Variants in HDAC11 observed in about 807,000 individuals in gnomAD.
The protein encoded by HDAC11 is histone deacetylase 11.
In HDAC11, 23 loss-of-function variants were observed where a neutral mutation model predicts 41.1. The observed-to-expected ratio is 0.56, with a 90% CI of 0.40 to 0.79. The LOEUF (loss-of-function observed/expected upper bound fraction) is 0.79, where lower values mean the gene tolerates loss of function less well. Ranked by LOEUF, HDAC11 falls within the 30% of genes least tolerant of loss-of-function variation. The pLI is 0.00. For missense variants in HDAC11, 402 were observed against 477.3 expected, an observed-to-expected ratio of 0.84 and a Z score of 1.47; for synonymous variants, 187 against 186.6, an observed-to-expected ratio of 1.00 and a Z score of -0.02.
intron 3 of HDAC11, among the ~76,000 whole-genome samples, chr3:13,494,601 C>T (rs1702009517): frequency 1.3e-5 from 2 of 152,206 alleles, no homozygotes; most frequent in Admixed American, 1.3e-4. Flanking sequence ...TCCATGTTAC[C>T]GCCAGAGGGC....
At chr3:13,491,393 T>A (rs1315481871) in intron 3 of HDAC11, among the ~76,000 whole-genome samples, 1 of 152,128 alleles carries the variant, frequency 6.6e-6, no homozygotes, top group Non-Finnish European at 1.5e-5. Context: ...GTTCCTAGTT[T>A]GTTGAGTGAT....
intron 3 of HDAC11, among the ~76,000 whole-genome samples, chr3:13,489,547 C>G (rs1278986211): frequency 6.6e-6 from 1 of 152,178 alleles, no homozygotes; most frequent in African/African-American, 2.4e-5. Flanking sequence ...TTTCTAGACT[C>G]TCAATTCTAT....
At chr3:13,504,293 C>T (rs1256632400) in intron 9 of HDAC11, 21 bp downstream of exon 9, 1 of 1,611,010 alleles carries the variant, frequency 6.2e-7, no homozygotes, top group African/African-American at 1.3e-5. Flanking sequence ...ACCCTTGGGG[C>T]CACGGGAGGG....
rs140856303 is a variant in HDAC11 at position 13,502,778 on chromosome 3, G to A, written c.553-106G>A. The A allele has an allele frequency of 9.6e-4, 764 of 793,340 alleles. No individual in the cohort carries two copies. In the African/African-American group the frequency reaches 0.01, roughly 11 times the overall value. The allele number at this position is 793,340 out of a possible 1,614,324, so 49.1% of individuals were successfully genotyped here. ...GACCTGCTGCCCCCGAGAGCAGGCC[G>A]TGCTGCCCTGGCAAATGGGGAGTTT... On this transcript the variant is annotated intron_variant, in intron 7 of 9. Coordinates refer to ENST00000295757, the MANE Select transcript of HDAC11 (RefSeq NM_024827.4). The surrounding 1 kb of genome is among the most constrained non-coding windows in gnomAD (Gnocchi z 4.1).
At chr3:13,481,951 G>C (rs1701340129) in intron 2 of HDAC11, among the ~76,000 whole-genome samples, 1 of 152,182 alleles carries the variant, frequency 6.6e-6, no homozygotes, top group Non-Finnish European at 1.5e-5. Flanking sequence ...TTACAGGCGT[G>C]AGCCACCACA....
chr3:13,494,755 C>A (rs1362986748), intron 3 of HDAC11, among the ~76,000 whole-genome samples: 2 of 152,234 alleles, frequency 1.3e-5, no homozygotes, highest in African/African-American at 4.8e-5. Flanking sequence ...GGGCTGGTGG[C>A]CATGGGCATT....
chr3:13,484,791 G>A (rs1322613473), intron 3 of HDAC11, among the ~76,000 whole-genome samples: 1 of 152,236 alleles, frequency 6.6e-6, no homozygotes, highest in East Asian at 1.9e-4. Context: ...TTCCAGAGAA[G>A]GACACAGCTC....
intron 3 of HDAC11, among the ~76,000 whole-genome samples, chr3:13,486,641 C>T (rs1008100187): frequency 1.4e-4 from 19 of 136,886 alleles, no homozygotes; most frequent in East Asian, 1.3e-3. Flanking sequence ...TACAGTGGTG[C>T]GATCTCAGCT....
At chr3:13,493,137 A>C (rs893149795) in intron 3 of HDAC11, among the ~76,000 whole-genome samples, 1 of 152,286 alleles carries the variant, frequency 6.6e-6, no homozygotes, top group East Asian at 1.9e-4. Context: ...GTCCCAGAGA[A>C]GGTATCTGTC....
intron 5 of HDAC11, among the ~76,000 whole-genome samples, chr3:13,500,202 G>T (rs183846827): frequency 6.6e-6 from 1 of 152,130 alleles, no homozygotes; most frequent in South Asian, 2.1e-4. Context: ...AGGGGCTGCA[G>T]GGGAGGGGGT....
intron 3 of HDAC11, among the ~76,000 whole-genome samples, chr3:13,489,103 C>A (rs1701730365): frequency 6.6e-6 from 1 of 152,004 alleles, no homozygotes; most frequent in Non-Finnish European, 1.5e-5. Flanking sequence ...TTAAAATTGG[C>A]TTGTCTTTTT....
intron 3 of HDAC11, among the ~76,000 whole-genome samples, chr3:13,489,718 T>C (rs545500565): frequency 2.2e-4 from 34 of 151,904 alleles, no homozygotes; most frequent in Middle Eastern, 3.5e-3. Context: ...AGGCGTGTGC[T>C]ACCATGCCTG....
intron 8 of HDAC11, 82 bp from the exon 9 acceptor site, chr3:13,504,012 G>T: frequency 7.5e-7 from 1 of 1,326,200 alleles, no homozygotes; most frequent in Non-Finnish European, 1.1e-6. Context: ...CCAGTTTCCA[G>T]TCTTGCCTGG....
At chr3:13,493,083 C>A (rs1332996921) in intron 3 of HDAC11, among the ~76,000 whole-genome samples, 1 of 152,208 alleles carries the variant, frequency 6.6e-6, no homozygotes, top group South Asian at 2.1e-4. Context: ...TATCAGGGAG[C>A]CTGACCTGCT....
intron 2 of HDAC11, among the ~76,000 whole-genome samples, chr3:13,481,634 C>G (rs1701326775): frequency 6.6e-6 from 1 of 152,166 alleles, no homozygotes; most frequent in Non-Finnish European, 1.5e-5. Flanking sequence ...CTGCCTCTGC[C>G]CAAGAGGCCT....
At chr3:13,501,417 G>A (rs934478104) in intron 6 of HDAC11, among the ~76,000 whole-genome samples, 1 of 152,164 alleles carries the variant, frequency 6.6e-6, no homozygotes, top group Non-Finnish European at 1.5e-5. Context: ...AGGAGAAGGG[G>A]GAAGCACAGG....
In HDAC11 at chr3:13,502,301, G is replaced by C. The variant is rs535740439; in HGVS notation, c.552+368G>C. On this transcript the variant is annotated intron_variant, in intron 7 of 9. Coordinates refer to ENST00000295757, the MANE Select transcript of HDAC11 (RefSeq NM_024827.4). The surrounding 1 kb of genome is among the most constrained non-coding windows in gnomAD (Gnocchi z 4.1). ...AGCACTGGCCACCTGCCCCTCAGGC[G>C]GATGCCCACACACATGGCTTGGCTC... is the stretch of plus-strand genomic sequence containing the variant. The C allele has an allele frequency of 2.5e-5, 6 of 239,366 alleles. No homozygotes were observed. The highest frequency in any genetic ancestry group is 4.9e-5 in the Non-Finnish European group (6 of 123,410). The allele number at this position is 239,366 out of a possible 1,614,324, so 14.8% of individuals were successfully genotyped here.
intron 3 of HDAC11, among the ~76,000 whole-genome samples, chr3:13,496,046 A>G (rs1702081525): frequency 6.6e-6 from 1 of 152,208 alleles, no homozygotes; most frequent in African/African-American, 2.4e-5. Context: ...GTTTTCAGCC[A>G]GGAGATGGCT....
At chr3:13,494,439 C>T (rs1346220136) in intron 3 of HDAC11, among the ~76,000 whole-genome samples, 1 of 152,184 alleles carries the variant, frequency 6.6e-6, no homozygotes, top group Non-Finnish European at 1.5e-5. Flanking sequence ...AACATACACA[C>T]ACGCACACAC....
Sources: allele counts gnomAD v4.1 joint callset (sites outside exome capture counted in the v4.1 genomes callset), GRCh38; gene constraint gnomAD v4.1.1; non-coding constraint Gnocchi (gnomAD v3.1); transcripts MANE v1.5; gene names NCBI Gene and HGNC (gene_info 2026-07-23, HGNC 2026-07-21).